The following ANGPTL2 variants were observed in gnomAD, a reference collection of about 807,000 sequenced individuals.
ANGPTL2 encodes the protein angiopoietin-related protein 2.
A neutral mutation model predicts 52.8 loss-of-function variants in ANGPTL2; 25 were observed. The observed-to-expected ratio is 0.47, with a 90% CI of 0.35 to 0.66. The LOEUF (loss-of-function observed/expected upper bound fraction) is 0.66, where lower values mean the gene tolerates loss of function less well. Among genes scored for constraint, ANGPTL2 ranks in the 30% least tolerant of loss-of-function variants. The pLI, the probability that ANGPTL2 is intolerant of heterozygous loss-of-function variation, is 0.01. For missense variants in ANGPTL2, 546 were observed against 656.9 expected, an observed-to-expected ratio of 0.83 and a Z score of 1.84; for synonymous variants, 276 against 277.4, an observed-to-expected ratio of 1.00 and a Z score of 0.05.
At chr9:127,096,381 C>T (rs1465300315) in intron 2 of ANGPTL2, among the ~76,000 whole-genome samples, 1 of 152,214 alleles carries the variant, frequency 6.6e-6, no homozygotes, top group Non-Finnish European at 1.5e-5. Context: ...ATGCTGGTGA[C>T]GGAAGATCCG....
intron 2 of ANGPTL2, among the ~76,000 whole-genome samples, chr9:127,097,851 G>T (rs2053305778): frequency 6.6e-6 from 1 of 152,208 alleles, no homozygotes; most frequent in Non-Finnish European, 1.5e-5. Flanking sequence ...AATCTCGATG[G>T]CCTCACCTAT....
At chr9:127,118,904 T>A (rs887439464) in intron 1 of ANGPTL2, among the ~76,000 whole-genome samples, 2 of 152,252 alleles carry the variant, frequency 1.3e-5, no homozygotes, top group Non-Finnish European at 2.9e-5. Flanking sequence ...ATCTCCCTGA[T>A]GTTTTCTCAG....
intron 4 of ANGPTL2, among the ~76,000 whole-genome samples, chr9:127,089,631 G>A (rs2052212981): frequency 6.6e-6 from 1 of 152,202 alleles, no homozygotes. Context: ...CAAAGAAAGT[G>A]TTTAAGAAGA....
chr9:127,106,770 T>G (rs2054257475), intron 2 of ANGPTL2, among the ~76,000 whole-genome samples: 1 of 152,218 alleles, frequency 6.6e-6, no homozygotes, highest in African/African-American at 2.4e-5. Context: ...GCCACCCTCC[T>G]GCACTCAGGT....
intron 2 of ANGPTL2, 116 bp from the exon 3 acceptor site, chr9:127,094,042 C>T: frequency 8.1e-7 from 1 of 1,227,300 alleles, no homozygotes; most frequent in Non-Finnish European, 1.1e-6. Context: ...GCCACAGGCC[C>T]ACGGTCTGAG....
At chr9:127,116,966 TGCCTTTG>T (rs2055496259) in intron 1 of ANGPTL2, among the ~76,000 whole-genome samples, 1 of 152,194 alleles carries the variant, frequency 6.6e-6, no homozygotes, top group Non-Finnish European at 1.5e-5. Flanking sequence ...TTGGCCTCCC[TGCCTTTG>T]GGTGCTCTCT....
At chr9:127,101,501 A>C (rs892669546) in intron 2 of ANGPTL2, among the ~76,000 whole-genome samples, 1 of 151,974 alleles carries the variant, frequency 6.6e-6, no homozygotes, top group African/African-American at 2.4e-5. Context: ...TTGACCCTCC[A>C]TCCTTCACCC....
At chr9:127,112,319 AG>A (rs2054906427) in intron 1 of ANGPTL2, among the ~76,000 whole-genome samples, 1 of 152,174 alleles carries the variant, frequency 6.6e-6, no homozygotes, top group Admixed American at 6.5e-5. Flanking sequence ...CACCCACCCC[AG>A]AACAATGGGG....
At position 127,108,569 on chromosome 9, in the gene ANGPTL2, T is replaced by C. The variant is rs761687249; in HGVS notation, c.163A>G (p.Thr55Ala). 12 of 1,613,470 alleles carry C rather than the reference T, an allele frequency of 7.4e-6. No individual in the cohort carries two copies. In the South Asian group the frequency reaches 1.3e-4, roughly 18 times the overall value. The change falls in exon 2 of 5, where the codon ACC becomes GCC. Residue 55 changes from threonine (T) to alanine (A), a missense_variant. Thr to Ala is a moderately conservative substitution (Grantham distance 58). Transcript: ENST00000373425. ...TGCTGGGGCACAATGAAGGTGTAGG[T>C]GCACTTGTCCTGGGACTCGCCCGCC... Reference protein sequence around the residue: ...KRAGESQDKCTYTFIVPQQRV... With the variant: ...KRAGESQDKCAYTFIVPQQRV...
Position 127,108,422 on chromosome 9 carries a change from C to T in ANGPTL2, c.310G>A (p.Glu104Lys), listed in dbSNP as rs781380989. The change falls in exon 2 of 5, where the codon GAG becomes AAG. Residue 104 changes from glutamate to lysine, a missense_variant. Glu to Lys is a moderately conservative substitution (Grantham distance 56). Coordinates refer to ENST00000373425, the MANE Select transcript of ANGPTL2 (RefSeq NM_012098.3). The part of the protein sequence containing the change: ...NELLKQKRQI[E>K]TLQQLVEVDG... Reference sequence around the variant, plus strand: ...ACCTCCACCAGCTGCTGCAGCGTCTCGATCTGCCGCTTCTGCTTGAGCAGC... The same window carrying T: ...ACCTCCACCAGCTGCTGCAGCGTCTTGATCTGCCGCTTCTGCTTGAGCAGC... 18 of 1,608,426 alleles carry T rather than the reference C, an allele frequency of 1.1e-5. No homozygotes were observed. Among genetic ancestry groups the T allele is most frequent in the Admixed American group, 8.4e-5 (5 of 59,858 alleles).
At chr9:127,110,604 A>G (rs1385750968) in intron 1 of ANGPTL2, among the ~76,000 whole-genome samples, 1 of 152,178 alleles carries the variant, frequency 6.6e-6, no homozygotes, top group Non-Finnish European at 1.5e-5. Context: ...ACTATCTGCT[A>G]GGTATCTCAA....
In ANGPTL2 at chr9:127,108,098, G is replaced by T; in HGVS notation, c.634C>A (p.Pro212Thr). Residue 212 changes from proline (P) to threonine (T), a missense_variant, in exon 2 of 5, where the codon CCC (proline) becomes ACC (threonine). This residue lies in a region of ANGPTL2 where 285 missense variants were observed against 295.8 expected (regional missense o/e 0.96). Coordinates refer to ENST00000373425, the MANE Select transcript of ANGPTL2 (RefSeq NM_012098.3). ...GCAGCGGGGGGTGGCTGGGGGACGG[G>T]CCTGGCCGAGGGCACCCTCTGGCAG... is the stretch of plus-strand genomic sequence containing the variant. ...EHCQRVPSAR[P>T]VPQPPPAAPP... The T allele has an allele frequency of 6.2e-7, 1 of 1,612,248 alleles. No individual in the cohort carries two copies. The highest frequency in any genetic ancestry group is 8.5e-7 in the Non-Finnish European group (1 of 1,179,056).
intron 4 of ANGPTL2, among the ~76,000 whole-genome samples, chr9:127,089,927 C>T (rs974535823): frequency 3.3e-5 from 5 of 152,282 alleles, no homozygotes; most frequent in East Asian, 1.9e-4. Context: ...AAGGGGACCC[C>T]GTACTCAGGG....
At chr9:127,093,555 T>C (rs2136483842) in intron 3 of ANGPTL2, among the ~76,000 whole-genome samples, 178 bp downstream of exon 3, 1 of 152,322 alleles carries the variant, frequency 6.6e-6, no homozygotes. Context: ...CTGGTGGGTT[T>C]GCAAAATGGC....
rs541395628 is a variant in ANGPTL2 at position 127,104,990 on chromosome 9, G to A, written c.817+2925C>T. ...GCTCATTGGATGCCCTGACTGTTCC[G>A]TGCAGAGAGACCATCTGTTTTTTCC... On this transcript the variant is annotated intron_variant, in intron 2 of 4. Transcript: ENST00000373425. Among the ~76,000 whole-genome samples the A allele has an allele frequency of 8.5e-5, 13 of 152,202 alleles. No individual in the cohort carries two copies. In the East Asian group the frequency reaches 1.5e-3, roughly 18 times the overall value.
At position 127,108,610 on chromosome 9, in the gene ANGPTL2, A is replaced by T; in HGVS notation, c.122T>A (p.Leu41Gln). The part of the protein sequence containing the change: ...EEGSPREFIY[L>Q]NRYKRAGESQ... ...CTCGCCCGCCCGCTTGTACCTGTTTAGGTAAATGAACTCTCTTGGCGAGCC... is the reference window on the plus strand; with the variant it reads ...CTCGCCCGCCCGCTTGTACCTGTTTTGGTAAATGAACTCTCTTGGCGAGCC... The change falls in exon 2 of 5, where the codon CTA becomes CAA. Residue 41 changes from leucine (L) to glutamine (Q), a missense_variant. Physicochemically the swap from Leu to Gln is moderately radical, Grantham distance 113. This residue lies in a region of ANGPTL2 where 285 missense variants were observed against 295.8 expected (regional missense o/e 0.96). Transcript: ENST00000373425. The T allele has an allele frequency of 1.2e-6, 2 of 1,613,558 alleles. No individual in the cohort carries two copies. Among genetic ancestry groups the T allele is most frequent in the Non-Finnish European group, 1.7e-6 (2 of 1,179,928 alleles).
rs796890838 is a variant in ANGPTL2, at chr9:127,103,466, C to T, written c.817+4449G>A. ...AAAGAAATCAGAACTTCACACTTAG[C>T]TATATGTTGAAAGACTTAGCTATAC... is the stretch of plus-strand genomic sequence containing the variant. On this transcript the variant is annotated intron_variant, in intron 2 of 4. Coordinates refer to ENST00000373425, the MANE Select transcript of ANGPTL2 (RefSeq NM_012098.3). 3.9e-5 allele frequency among the ~76,000 whole-genome samples: 6 copies of T among 152,192 alleles called. No individual in the cohort carries two copies. In the South Asian group the frequency reaches 6.2e-4, roughly 16 times the overall value.
intron 1 of ANGPTL2, among the ~76,000 whole-genome samples, chr9:127,116,185 C>G (rs1484723588): frequency 6.6e-6 from 1 of 152,112 alleles, no homozygotes; most frequent in African/African-American, 2.4e-5. Context: ...GACAGATTTG[C>G]CTGGAGGAGT....
At chr9:127,095,836 T>TTCCTCA (rs2053067737) in intron 2 of ANGPTL2, among the ~76,000 whole-genome samples, 2 of 152,244 alleles carry the variant, frequency 1.3e-5, no homozygotes, top group African/African-American at 2.4e-5. Context: ...AGGTGGGCTG[T>TTCCTCA]TCCTGAGGAA....
Sources: gnomAD v4.1 joint callset for allele counts (sites outside exome capture counted in the v4.1 genomes callset) on GRCh38, gnomAD v4.1.1 for gene constraint, gnomAD v4.1.1 regional missense constraint, MANE v1.5 for transcripts, NCBI Gene and HGNC (gene_info 2026-07-23, HGNC 2026-07-21) for gene names.